The following STK33 variants were observed in gnomAD, a reference collection of about 807,000 sequenced individuals.
STK33 encodes the protein serine/threonine kinase 33, also known as serine/threonine-protein kinase 33.
STK33 carries 52 observed loss-of-function variants against 58.0 expected under a neutral mutation model. That is an observed-to-expected ratio of 0.90 (90% CI 0.72 to 1.13). The LOEUF is 1.13. Ranked by LOEUF, STK33 falls within the 50% of genes most tolerant of loss-of-function variation. The pLI is 0.00. For synonymous variants in STK33, 215 were observed against 200.1 expected (o/e 1.07, Z -0.63); for missense variants, 630 against 604.2 (o/e 1.04, Z -0.45).
chr11:8,387,279 G>C (rs755191277), downstream of STK33, among the ~76,000 whole-genome samples: 1 of 152,106 alleles, frequency 6.6e-6, no homozygotes, highest in Non-Finnish European at 1.5e-5. Context: ...CAAACTTCAC[G>C]GTAGCTTAGG....
the STK33 span, among the ~76,000 whole-genome samples, chr11:8,373,161 C>CACAGCAAAGGTTGGGAAGCAAG: frequency 2.6e-5 from 4 of 152,186 alleles, no homozygotes; most frequent in African/African-American, 7.2e-5. Flanking sequence ...GGCTTGTTCT[C>CACAGCAAAGGTTGGGAAGCAAG]ACAGCAAAGG....
intron 7 of STK33, among the ~76,000 whole-genome samples, chr11:8,463,923 C>T (rs1281126590): frequency 6.6e-6 from 1 of 152,124 alleles, no homozygotes; most frequent in Admixed American, 6.5e-5. Flanking sequence ...GCTCTTAATC[C>T]CTTTACTAAG....
intron 1 of STK33, among the ~76,000 whole-genome samples, chr11:8,510,472 A>AT (rs1213561694): frequency 2.0e-5 from 3 of 151,712 alleles, no homozygotes; most frequent in Non-Finnish European, 2.9e-5. Flanking sequence ...TCTGTTGATT[A>AT]TTTTTTTGGT....
rs532335198 is a variant in STK33, at chr11:8,523,185, C to T, written c.-465-42571G>A. 2.7e-3 allele frequency among the ~76,000 whole-genome samples: 410 copies of T among 152,276 alleles called. 1 individual carries two copies. Among genetic ancestry groups the T allele is most frequent in the African/African-American group, 9.2e-3 (382 of 41,580 alleles). On this transcript the variant is annotated intron_variant, in intron 1 of 15. Transcript: ENST00000687296. The stretch of plus-strand genomic sequence containing the variant: ...TGCCTGCGATGGCCTCCCAAAGTGC[C>T]GAGATTGCAGCCTCTGCCCAGCCGC...
At position 8,413,796 on chromosome 11, in the gene STK33, T is replaced by C. The variant is rs1940693019; in HGVS notation, c.1147-104A>G. 4 of 1,008,358 alleles carry C rather than the reference T, an allele frequency of 4.0e-6. No individual in the cohort carries two copies. In the Admixed American group the frequency reaches 9.5e-5, roughly 24 times the overall value. 62.5% of individuals were successfully genotyped at this position (1,008,358 alleles called of 1,614,324 possible). ...TCTCCCAAATTCAGTAATAGTCACA[T>C]GGAAAAGATTATAATGCTGAATAAA... On this transcript the variant is annotated intron_variant, in intron 14 of 15. Transcript: ENST00000687296.
rs368244591 is a variant in STK33 at position 8,542,009 on chromosome 11, C to T, written c.-466+52074G>A. 2.2e-4 allele frequency among the ~76,000 whole-genome samples: 33 copies of T among 152,162 alleles called. No individual in the cohort carries two copies. In the South Asian group the frequency reaches 6.9e-3, roughly 32 times the overall value. On this transcript the variant is annotated intron_variant, in intron 1 of 15. Transcript: ENST00000687296. ...ATAATAATGGAATTTTTATGCAGTA[C>T]CAATAAGCTACAGAGCCTTTAAAAC... is the stretch of plus-strand genomic sequence containing the variant.
At chr11:8,405,724 G>T (rs1241618283) in intron 15 of STK33, among the ~76,000 whole-genome samples, 3 of 151,950 alleles carry the variant, frequency 2.0e-5, no homozygotes, top group Admixed American at 2.0e-4. Flanking sequence ...ACTAATTTTT[G>T]TGTACAGTTT....
At chr11:8,488,394 T>C (rs573856710) in intron 1 of STK33, among the ~76,000 whole-genome samples, 9 of 152,124 alleles carry the variant, frequency 5.9e-5, no homozygotes, top group South Asian at 2.1e-4. Context: ...CATAGGGCTA[T>C]ATGCATGCAC....
the STK33 span, among the ~76,000 whole-genome samples, chr11:8,384,915 T>G: frequency 6.6e-6 from 1 of 152,172 alleles, no homozygotes; most frequent in Non-Finnish European, 1.5e-5. Flanking sequence ...CTCTTATTTT[T>G]CTACAATCTC....
intron 1 of STK33, among the ~76,000 whole-genome samples, chr11:8,586,017 T>C (rs1438761383): frequency 6.6e-6 from 1 of 151,882 alleles, no homozygotes; most frequent in Non-Finnish European, 1.5e-5. Flanking sequence ...TGCGCCACTG[T>C]ACTCCAGCCT....
chr11:8,523,027 C>G (rs903975003), intron 1 of STK33, among the ~76,000 whole-genome samples: 2 of 152,226 alleles, frequency 1.3e-5, no homozygotes, highest in Non-Finnish European at 2.9e-5. Flanking sequence ...CTCCTGACCG[C>G]GAGTGATCTG....
intron 1 of STK33, among the ~76,000 whole-genome samples, chr11:8,563,165 G>A (rs1412073735): frequency 6.6e-6 from 1 of 152,062 alleles, no homozygotes; most frequent in African/African-American, 2.4e-5. Flanking sequence ...GGCCTTCCTT[G>A]GGCATACAAC....
chr11:8,550,570 T>G (rs1037925467), intron 1 of STK33, among the ~76,000 whole-genome samples: 1 of 152,206 alleles, frequency 6.6e-6, no homozygotes, highest in Non-Finnish European at 1.5e-5. Context: ...GCTTAGAAAT[T>G]TCTTCCACCA....
the STK33 span, among the ~76,000 whole-genome samples, chr11:8,381,550 A>C: frequency 6.6e-6 from 1 of 152,120 alleles, no homozygotes; most frequent in African/African-American, 2.4e-5. Flanking sequence ...TCCCACAGTG[A>C]ACATCCTGAA....
chr11:8,464,744 T>A lies in STK33; in HGVS notation c.418A>T (p.Thr140Ser). Residue 140 changes from threonine to serine, a missense_variant, in exon 7 of 16, where the codon ACG becomes TCG. Physicochemically the swap from Thr to Ser is moderately conservative, Grantham distance 58 (BLOSUM62 1). Transcript: ENST00000687296. Reference protein sequence around the residue: ...VIEATDKETETKWAIKKVNKE... With the variant: ...VIEATDKETESKWAIKKVNKE... ...TTCACTTTTTTAATTGCCCACTTCG[T>A]TTCTGTTTCCTTGTCTGTCGCTTCA... The A allele has an allele frequency of 1.2e-6, 2 of 1,613,872 alleles. No individual in the cohort carries two copies. Among genetic ancestry groups the A allele is most frequent in the Non-Finnish European group, 1.7e-6 (2 of 1,179,814 alleles).
chr11:8,557,112 A>T (rs117039572), intron 1 of STK33, among the ~76,000 whole-genome samples: 8,394 of 150,940 alleles, frequency 0.056, 317 homozygotes, highest in Non-Finnish European at 0.075. Context: ...TTAGCTGGCC[A>T]TCATGGTGCA....
At chr11:8,367,133 CA>C in the STK33 span, among the ~76,000 whole-genome samples, 3 of 152,196 alleles carry the variant, frequency 2.0e-5, no homozygotes, top group Non-Finnish European at 4.4e-5. Context: ...TATGTGTGAA[CA>C]AAGTACTAAA....
chr11:8,499,049 A>C (rs1416962689), intron 1 of STK33, among the ~76,000 whole-genome samples: 3 of 152,202 alleles, frequency 2.0e-5, no homozygotes, highest in Non-Finnish European at 2.9e-5. Flanking sequence ...AAAACACCAA[A>C]AGCAATGGCA....
intron 5 of STK33, among the ~76,000 whole-genome samples, chr11:8,473,777 C>G (rs75060174): frequency 0.045 from 6,833 of 152,154 alleles, 225 homozygotes; most frequent in Non-Finnish European, 0.06. Flanking sequence ...ATGAAGAAGG[C>G]AAAATTTTGA....
Sources: gnomAD v4.1 joint callset for allele counts (sites outside exome capture counted in the v4.1 genomes callset) on GRCh38, gnomAD v4.1.1 for gene constraint, MANE v1.5 for transcripts, NCBI Gene and HGNC (gene_info 2026-07-23, HGNC 2026-07-21) for gene names.